CEP170B: variants seen among roughly 807,000 people sequenced by gnomAD.
CEP170B encodes the protein centrosomal protein of 170 kDa protein B.
Under a neutral mutation model 120.6 loss-of-function variants are expected in CEP170B, and 55 were observed. That is an observed-to-expected ratio of 0.46 (90% CI 0.37 to 0.57). The LOEUF (loss-of-function observed/expected upper bound fraction) is 0.57. CEP170B is among the 20% of genes least tolerant of loss of function. The pLI, the probability that CEP170B is intolerant of heterozygous loss-of-function variation, is 0.00. For synonymous variants in CEP170B, 1,033 were observed against 954.5 expected (o/e 1.08, Z -1.52); for missense variants, 2,212 against 2,253.3 (o/e 0.98, Z 0.37).
chr14:104,881,866 G>T (rs949531929), intron 6 of CEP170B, among the ~76,000 whole-genome samples: 1 of 152,044 alleles, frequency 6.6e-6, no homozygotes, highest in Non-Finnish European at 1.5e-5. Flanking sequence ...AGCGCAGTGT[G>T]CACATGGTTC....
At position 104,889,688 on chromosome 14, in the gene CEP170B, G is replaced by A. The variant is rs1566872081; in HGVS notation, c.3808G>A (p.Asp1270Asn). 11 of 1,612,100 alleles carry A rather than the reference G, an allele frequency of 6.8e-6. No homozygotes were observed. Among genetic ancestry groups the A allele is most frequent in the Non-Finnish European group, 9.3e-6 (11 of 1,179,728 alleles). Reference sequence around the variant, plus strand: ...CCGGGCCCCCGGCCCCCGGGACACGGACGACGATGAGGAGGAGCCTGACCC... The same window carrying A: ...CCGGGCCCCCGGCCCCCGGGACACGAACGACGATGAGGAGGAGCCTGACCC... ...RSRAPGPRDTDDDEEEPDPYG... is the reference protein window; with the variant it reads ...RSRAPGPRDTNDDEEEPDPYG... The change falls in exon 13 of 19, where the codon GAC becomes AAC. Residue 1270 changes from aspartate (D) to asparagine (N), a missense_variant. Asp to Asn is a conservative substitution (Grantham distance 23, BLOSUM62 1). Transcript: ENST00000414716.
intron 2 of CEP170B, among the ~76,000 whole-genome samples, chr14:104,871,209 A>C (rs780350714): frequency 6.6e-6 from 1 of 152,042 alleles, no homozygotes; most frequent in Non-Finnish European, 1.5e-5. Context: ...GATGATCCAC[A>C]TGCTGCCTGG....
At chr14:104,872,989 G>A (rs1895653445) in intron 2 of CEP170B, among the ~76,000 whole-genome samples, 1 of 152,254 alleles carries the variant, frequency 6.6e-6, no homozygotes, top group Non-Finnish European at 1.5e-5. Context: ...CACAGCCCGG[G>A]TTTCTGTTGT....
chr14:104,872,231 G>T (rs1360559420), intron 2 of CEP170B, among the ~76,000 whole-genome samples: 2 of 140,076 alleles, frequency 1.4e-5, no homozygotes, highest in Non-Finnish European at 3.1e-5. Flanking sequence ...TGGGTGTGCC[G>T]TGCGTGTGTG....
At chr14:104,874,716 C>T (rs1172898706) in intron 2 of CEP170B, among the ~76,000 whole-genome samples, 1 of 151,614 alleles carries the variant, frequency 6.6e-6, no homozygotes, top group African/African-American at 2.4e-5. Flanking sequence ...CAGTCCTCCC[C>T]CTGGTCCTCC....
At chr14:104,893,983 G>T in intron 16 of CEP170B, 134 bp downstream of exon 16, 1 of 838,878 alleles carries the variant, frequency 1.2e-6, no homozygotes, top group Non-Finnish European at 1.9e-6. Flanking sequence ...CAGCCCTCCC[G>T]TGTGCACGTG....
At position 104,883,501 on chromosome 14, in the gene CEP170B, C is replaced by T. The variant is rs374682984; in HGVS notation, c.1044C>T (p.Thr348=). 1.5e-5 allele frequency: 23 copies of T among 1,540,208 alleles called. No individual in the cohort carries two copies. Among genetic ancestry groups the T allele is most frequent in the African/African-American group, 5.5e-5 (4 of 72,802 alleles). ...GCGACCTGCCTGTCCACACCCGCAC[C>T]CTGAAGGGTGAGTGCCCAGCTGGCG... ...TKSDLPVHTR[T]LKGHKHEDGT... The change falls in exon 8 of 19, where the codon ACC becomes ACT. Residue 348 remains threonine (T), a synonymous_variant. Transcript: ENST00000414716.
intron 13 of CEP170B, among the ~76,000 whole-genome samples, chr14:104,890,365 A>G (rs1401741702): frequency 0.015 from 235 of 15,832 alleles, no homozygotes; most frequent in Middle Eastern, 0.05. Context: ...TGGATGGATG[A>G]GTGGGTGGGT....
intron 2 of CEP170B, among the ~76,000 whole-genome samples, chr14:104,869,048 A>G (rs1895339714): frequency 6.6e-6 from 1 of 152,158 alleles, no homozygotes; most frequent in Admixed American, 6.5e-5. Flanking sequence ...GCCTCCAGGC[A>G]TGAGGGGTTC....
At chr14:104,882,459 A>G (rs564213939) in intron 6 of CEP170B, among the ~76,000 whole-genome samples, 6 of 148,908 alleles carry the variant, frequency 4.0e-5, no homozygotes, top group Non-Finnish European at 9.0e-5. Flanking sequence ...AGGAGGGGCC[A>G]GGCAGGGAGG....
rs1287122812 is a variant in CEP170B, at chr14:104,890,282, G to GGA, written c.3878+524_3878+525insGA. On this transcript the variant is annotated intron_variant, in intron 13 of 18. Transcript: ENST00000414716. ...GATGGATGGATGGATGAATGGATGA[G>GGA]TGAGTGGGTGGATGGATGGATGGGT... Among the ~76,000 whole-genome samples, 41 of 126,124 alleles carry GGA rather than the reference G, an allele frequency of 3.3e-4. 1 individual carries two copies. Among genetic ancestry groups the GGA allele is most frequent in the African/African-American group, 1.2e-3 (40 of 33,440 alleles). The allele number at this position is 126,124 out of a possible 152,430, so 82.7% of individuals were successfully genotyped here.
At chr14:104,874,935 G>A (rs1288572017) in intron 2 of CEP170B, among the ~76,000 whole-genome samples, 1 of 152,206 alleles carries the variant, frequency 6.6e-6, no homozygotes, top group Non-Finnish European at 1.5e-5. Context: ...CAGTCAAGCT[G>A]GGCCATCAGA....
Position 104,893,656 on chromosome 14 carries a change from A to G in CEP170B, c.4172A>G (p.Asn1391Ser). ...CTGGCCAACAAGACGCGGCCTCGGA[A>G]CCGAGAGGAGGCACGGTGCCCACTA... is the stretch of plus-strand genomic sequence containing the variant. ...DALANKTRPR[N>S]REEVIFDNLM... is the part of the protein sequence containing the mutation. The change falls in exon 15 of 19, where the codon AAC (asparagine) becomes AGC (serine). Residue 1391 changes from asparagine to serine, a missense_variant. Transcript: ENST00000414716. 1.9e-6 allele frequency: 3 copies of G among 1,588,032 alleles called. No homozygotes were observed. The highest frequency in any genetic ancestry group is 2.6e-6 in the Non-Finnish European group (3 of 1,168,354).
In CEP170B at chr14:104,868,335, G is replaced by A. The variant is rs1895294166; in HGVS notation, c.-27-89G>A. ...CCGGAAGCTGCCAGCTTCCCTTAGA[G>A]GGTCAGGATCTGGGCTGGGCCTTGG... On this transcript the variant is annotated intron_variant, in intron 1 of 18. Transcript: ENST00000414716. This position sits in a 1 kb window ranked among gnomAD's most constrained non-coding sequence, Gnocchi z 5.9. The A allele has an allele frequency of 1.1e-6, 1 of 889,966 alleles. No individual in the cohort carries two copies. 55.1% of individuals were successfully genotyped at this position (889,966 alleles called of 1,614,324 possible).
rs1304432492 is a variant in CEP170B, at chr14:104,884,329, C to T, written c.1550C>T (p.Pro517Leu). Residue 517 changes from proline (P) to leucine (L), a missense_variant, in exon 9 of 19, where the codon CCC becomes CTC. By Grantham distance (98) the Pro-to-Leu change is moderately conservative (BLOSUM62 -3). Coordinates refer to ENST00000414716, the MANE Select transcript of CEP170B (RefSeq NM_001112726.3). ...CLRESSPAAR[P>L]SPEKVPPVLP... Reference sequence around the variant, plus strand: ...CGGGAGAGCTCCCCGGCCGCCCGGCCCAGCCCCGAGAAGGTTCCTCCGGTG... The same window carrying T: ...CGGGAGAGCTCCCCGGCCGCCCGGCTCAGCCCCGAGAAGGTTCCTCCGGTG... 2 of 1,544,000 alleles carry T rather than the reference C, an allele frequency of 1.3e-6. No homozygotes were observed. Among genetic ancestry groups the T allele is most frequent in the South Asian group, 1.2e-5 (1 of 83,688 alleles).
At chr14:104,889,941 GA>G (rs1896713035) in intron 13 of CEP170B, among the ~76,000 whole-genome samples, 183 bp downstream of exon 13, 1 of 40,412 alleles carries the variant, frequency 2.5e-5, no homozygotes, top group Admixed American at 2.8e-4. Flanking sequence ...TGGATGGATG[GA>G]TGGATGGATG....
At chr14:104,885,893 G>T (rs974265860) in intron 10 of CEP170B, 147 bp from the exon 11 acceptor site, 6 of 746,084 alleles carry the variant, frequency 8.0e-6, no homozygotes, top group Admixed American at 6.1e-5. Flanking sequence ...CTTTGCAGGG[G>T]CACGCTTGCT....
Position 104,867,661 on chromosome 14 carries a change from C to T in CEP170B, c.-27-763C>T, listed in dbSNP as rs1009099569. On this transcript the variant is annotated intron_variant, in intron 1 of 18. Coordinates refer to ENST00000414716, the MANE Select transcript of CEP170B (RefSeq NM_001112726.3). This position sits in a 1 kb window ranked among gnomAD's most constrained non-coding sequence, Gnocchi z 5.4. ...CCCTGGCCATTACTCAGGCTGTCCC[C>T]GTTACCTCCCAGGCTGCCACGGGGC... Among the ~76,000 whole-genome samples, 1 of 152,120 alleles carries T rather than the reference C, an allele frequency of 6.6e-6. No homozygotes were observed. Among genetic ancestry groups the T allele is most frequent in the African/African-American group, 2.4e-5 (1 of 41,406 alleles).
chr14:104,883,979 C>T lies in CEP170B; in HGVS notation c.1200C>T (p.Asn400=). Reference sequence around the variant, plus strand: ...GGGACCCCCAGGAGCTACTACATAACCAGCAGGCCTTTGTCATCGAGTTCT... The same window carrying T: ...GGGACCCCCAGGAGCTACTACATAATCAGCAGGCCTTTGTCATCGAGTTCT... The part of the protein sequence containing the change: ...IKRDPQELLH[N]QQAFVIEFFD... The change falls in exon 9 of 19, where the codon AAC becomes AAT. Residue 400 remains asparagine (N), a synonymous_variant. Transcript: ENST00000414716. 2 of 1,610,274 alleles carry T rather than the reference C, an allele frequency of 1.2e-6. No homozygotes were observed. The highest frequency in any genetic ancestry group is 1.1e-5 in the South Asian group (1 of 90,668).
Sources: allele counts gnomAD v4.1 joint callset (sites outside exome capture counted in the v4.1 genomes callset), GRCh38; gene constraint gnomAD v4.1.1; non-coding constraint Gnocchi (gnomAD v3.1); transcripts MANE v1.5; gene names NCBI Gene and HGNC (gene_info 2026-07-23, HGNC 2026-07-21).